The following UPF3A variants were observed in gnomAD, a reference collection of about 807,000 sequenced individuals.
The protein encoded by UPF3A is regulator of nonsense transcripts 3A.
A neutral mutation model predicts 53.5 loss-of-function variants in UPF3A; 42 were observed. The ratio of observed to expected loss-of-function variants is 0.78; its 90% CI spans 0.61 to 1.01. UPF3A has a LOEUF of 1.01. Ranked by LOEUF, UPF3A falls within the 50% of genes least tolerant of loss-of-function variation. The pLI is 0.00. For synonymous variants in UPF3A, 237 were observed against 225.3 expected, an observed-to-expected ratio of 1.05 and a Z score of -0.47; for missense variants, 575 against 598.0, an observed-to-expected ratio of 0.96 and a Z score of 0.40.
intron 5 of UPF3A, among the ~76,000 whole-genome samples, chr13:114,288,835 T>C (rs138074560): frequency 1.3e-5 from 2 of 152,220 alleles, no homozygotes; most frequent in East Asian, 3.9e-4. Flanking sequence ...AGGACAGTAT[T>C]GGGGGCAAAG....
chr13:114,290,793 G>C (rs2085200015), intron 5 of UPF3A, among the ~76,000 whole-genome samples: 2 of 150,736 alleles, frequency 1.3e-5, no homozygotes, highest in African/African-American at 4.9e-5. Flanking sequence ...GAGTGCAGTG[G>C]CGCAATCTCG....
At chr13:114,283,910 C>A (rs2084385986) in intron 3 of UPF3A, 2 of 985,208 alleles carry the variant, frequency 2.0e-6, no homozygotes. Context: ...TGAGTGTTTT[C>A]TTTTTCTCCA....
chr13:114,287,418 C>T (rs1449832324), intron 5 of UPF3A: 1 of 152,174 alleles, frequency 6.6e-6, no homozygotes, highest in Middle Eastern at 3.2e-3. Context: ...GGTGAAACCC[C>T]ATCTCTACTA....
intron 4 of UPF3A, 49 bp downstream of exon 4, chr13:114,286,449 C>A: frequency 6.2e-7 from 1 of 1,612,392 alleles, no homozygotes; most frequent in Non-Finnish European, 8.5e-7. Context: ...ATTAAGAACA[C>A]TGAGCAAATG....
intron 3 of UPF3A, chr13:114,283,924 A>C (rs1043306383): frequency 1.0e-5 from 10 of 985,364 alleles, no homozygotes; most frequent in Non-Finnish European, 1.2e-5. Flanking sequence ...TTCTCCAATG[A>C]GGGGTAAGGA....
chr13:114,300,829 G>T (rs1370854791), intron 8 of UPF3A, among the ~76,000 whole-genome samples: 1 of 151,014 alleles, frequency 6.6e-6, no homozygotes, highest in Non-Finnish European at 1.5e-5. Flanking sequence ...GTGAGCCGCT[G>T]TGCCTGGCCT....
At chr13:114,296,106 C>T (rs947528820) in intron 7 of UPF3A, among the ~76,000 whole-genome samples, 2 of 152,210 alleles carry the variant, frequency 1.3e-5, no homozygotes, top group South Asian at 4.1e-4. Context: ...TTCCAGGGGC[C>T]AGGCACAGTG....
At chr13:114,300,494 A>G (rs148687865) in intron 8 of UPF3A, among the ~76,000 whole-genome samples, 4,245 of 151,804 alleles carry the variant, frequency 0.028, 207 homozygotes, top group African/African-American at 0.098. Context: ...TCAGCCTCCC[A>G]AGTAGCTGGG....
At chr13:114,282,280 T>TCCGTCAAAGAAAAATACCA in intron 2 of UPF3A, 153 bp downstream of exon 2, 1 of 821,440 alleles carries the variant, frequency 1.2e-6, no homozygotes. Flanking sequence ...ACGTGTCCGT[T>TCCGTCAAAGAAAAATACCA]CCGTCAAAGA....
At chr13:114,284,633 A>T (rs764863536) in intron 3 of UPF3A, among the ~76,000 whole-genome samples, 2 of 151,594 alleles carry the variant, frequency 1.3e-5, no homozygotes, top group Non-Finnish European at 2.9e-5. Context: ...CGGGAGGCAG[A>T]GGTTGCAGTG....
intron 8 of UPF3A, 91 bp downstream of exon 8, chr13:114,299,091 C>T (rs2086342150): frequency 3.8e-6 from 5 of 1,326,098 alleles, no homozygotes; most frequent in Non-Finnish European, 3.0e-6. Context: ...TCACACTGTT[C>T]TTGGAATCCA....
At chr13:114,301,594 C>T (rs571866509) in intron 8 of UPF3A, 137 bp from the exon 9 acceptor site, 9 of 711,004 alleles carry the variant, frequency 1.3e-5, no homozygotes, top group African/African-American at 3.6e-5. Context: ...GTGTGCCCAT[C>T]GCAGTGCAGC....
At chr13:114,296,729 C>T (rs1224532656) in intron 7 of UPF3A, among the ~76,000 whole-genome samples, 3 of 152,098 alleles carry the variant, frequency 2.0e-5, no homozygotes, top group East Asian at 1.9e-4. Flanking sequence ...GCCCTTGACC[C>T]GTGGGTTCTG....
In UPF3A at chr13:114,281,621, G is replaced by C; in HGVS notation, c.-19G>C. On this transcript the variant is annotated 5_prime_UTR_variant, in exon 1 of 10. Coordinates refer to ENST00000375299, the MANE Select transcript of UPF3A (RefSeq NM_023011.4). ...GTTTCGTCGGGGGCTGGCGGCTGCG[G>C]CTCGGCGGAGAGTGCGGCATGCGCT... The C allele has an allele frequency of 7.1e-7, 1 of 1,417,662 alleles. No homozygotes were observed. Among genetic ancestry groups the C allele is most frequent in the Non-Finnish European group, 9.2e-7 (1 of 1,086,842 alleles). The allele number at this position is 1,417,662 out of a possible 1,614,324, so 87.8% of individuals were successfully genotyped here. A position where few individuals can be genotyped will look rare whatever the true frequency, so the allele number is the denominator to read the frequency against.
At chr13:114,299,612 A>G (rs1412087921) in intron 8 of UPF3A, among the ~76,000 whole-genome samples, 4 of 152,092 alleles carry the variant, frequency 2.6e-5, no homozygotes, top group Non-Finnish European at 5.9e-5. Context: ...AGCTCTATGG[A>G]GGGAGCTCAT....
At position 114,287,830 on chromosome 13, in the gene UPF3A, T is replaced by A. The variant is rs532058840; in HGVS notation, c.631+1201T>A. On this transcript the variant is annotated intron_variant, in intron 5 of 9. Transcript: ENST00000375299. ...CATTTATCTAGTAATAAAGCTTTTT[T>A]TCCCCCCACTCTGTTGCCCAGGCTG... Among the ~76,000 whole-genome samples the A allele has an allele frequency of 3.3e-4, 50 of 152,252 alleles. 1 individual carries two copies. In the South Asian group the frequency reaches 1.0e-2, roughly 30 times the overall value.
Position 114,286,550 on chromosome 13 carries a change from CTG to C in UPF3A, c.557_558del (p.Val186GlyfsTer10). 6.2e-7 allele frequency: 1 copy of C among 1,613,724 alleles called. No individual in the cohort carries two copies. Among genetic ancestry groups the C allele is most frequent in the Non-Finnish European group, 8.5e-7 (1 of 1,179,890 alleles). ...PEYKKFLETY[C>X]VEEEKTSANP... Reference sequence around the variant, plus strand: ...AATATAAGAAGTTTTTAGAAACCTACTGTGTGGAGGAAGAGAAGACCAGTGCC... The same window carrying C: ...AATATAAGAAGTTTTTAGAAACCTACTGTGGAGGAAGAGAAGACCAGTGCC... On this transcript the variant is annotated frameshift_variant, in exon 5 of 10. Coordinates refer to ENST00000375299, the MANE Select transcript of UPF3A (RefSeq NM_023011.4). LOFTEE classifies it high-confidence loss of function.
intron 5 of UPF3A, among the ~76,000 whole-genome samples, chr13:114,288,631 G>A (rs368716239): frequency 1.3e-5 from 2 of 152,150 alleles, no homozygotes; most frequent in African/African-American, 2.4e-5. Flanking sequence ...ATTTGTCCCC[G>A]TCACTTTGGT....
At chr13:114,291,972 C>A (rs571177753) in intron 7 of UPF3A, among the ~76,000 whole-genome samples, 180 bp downstream of exon 7, 5 of 152,198 alleles carry the variant, frequency 3.3e-5, no homozygotes, top group South Asian at 2.1e-4. Flanking sequence ...TATCACAGTG[C>A]GTCCTGAGCC....
Sources: allele counts gnomAD v4.1 joint callset (sites outside exome capture counted in the v4.1 genomes callset), GRCh38; gene constraint gnomAD v4.1.1; transcripts MANE v1.5; gene names NCBI Gene and HGNC (gene_info 2026-07-23, HGNC 2026-07-21).